ARRB1: variants seen among roughly 807,000 people sequenced by gnomAD.
ARRB1 encodes the protein arrestin beta 1.
ARRB1 carries 21 observed loss-of-function variants against 56.8 expected under a neutral mutation model. The ratio of observed to expected loss-of-function variants is 0.37; its 90% confidence interval spans 0.26 to 0.53. ARRB1 has a LOEUF of 0.53. ARRB1 is among the 20% of genes least tolerant of loss of function. The probability of loss-of-function intolerance (pLI) is 0.88; values close to 1 mark genes in which losing one functional copy is unlikely to be tolerated. For synonymous variants in ARRB1, 210 were observed against 218.6 expected (o/e 0.96, Z 0.35); for missense variants, 424 against 553.7 (o/e 0.77, Z 2.35).
chr11:75,303,054 T>A (rs1946942956), intron 1 of ARRB1, among the ~76,000 whole-genome samples: 1 of 151,820 alleles, frequency 6.6e-6, no homozygotes, highest in Non-Finnish European at 1.5e-5. Context: ...CAGGCTGGAG[T>A]GGAGTGGCAT....
intron 1 of ARRB1, among the ~76,000 whole-genome samples, chr11:75,297,305 C>T (rs1381062893): frequency 9.3e-5 from 14 of 150,866 alleles, no homozygotes; most frequent in Admixed American, 9.2e-4. Context: ...AGAAGACTCA[C>T]ACTTCCCATT....
At chr11:75,325,885 C>T (rs528853493) in intron 1 of ARRB1, among the ~76,000 whole-genome samples, 228 of 152,282 alleles carry the variant, frequency 1.5e-3, no homozygotes, top group Admixed American at 3.6e-3. Context: ...TGGTCTGACC[C>T]TGCCAGTGCT....
chr11:75,327,431 T>C (rs1345641612), intron 1 of ARRB1, among the ~76,000 whole-genome samples: 2 of 151,874 alleles, frequency 1.3e-5, no homozygotes, highest in African/African-American at 4.8e-5. Context: ...CCTTCCAAAG[T>C]GCTGGGATTA....
intron 1 of ARRB1, among the ~76,000 whole-genome samples, chr11:75,333,275 G>A (rs1234640724): frequency 6.6e-6 from 1 of 152,226 alleles, no homozygotes; most frequent in Non-Finnish European, 1.5e-5. Flanking sequence ...AGCTCTGCAG[G>A]GCAGAAACCA....
intron 1 of ARRB1, chr11:75,311,929 C>G: frequency 1.3e-6 from 1 of 791,218 alleles, no homozygotes; most frequent in Non-Finnish European, 1.8e-6. Context: ...AAGGGGCTGG[C>G]TGAGAGGGGA....
intron 1 of ARRB1, among the ~76,000 whole-genome samples, chr11:75,325,265 C>G (rs1031838805): frequency 9.9e-5 from 15 of 152,158 alleles, no homozygotes; most frequent in African/African-American, 3.6e-4. Flanking sequence ...CCGACCCTCA[C>G]CCCAGCCCCT....
chr11:75,320,928 G>A (rs553263157), intron 1 of ARRB1, among the ~76,000 whole-genome samples: 1 of 152,208 alleles, frequency 6.6e-6, no homozygotes, highest in East Asian at 1.9e-4. Context: ...CTGGGATGAG[G>A]AGACAGGAGG....
intron 3 of ARRB1, among the ~76,000 whole-genome samples, 199 bp downstream of exon 3, chr11:75,287,116 C>T (rs1946498035): frequency 6.6e-6 from 1 of 152,204 alleles, no homozygotes; most frequent in South Asian, 2.1e-4. Flanking sequence ...ATTGTCACCT[C>T]AGTCCTTCCC....
chr11:75,289,983 G>T, intron 2 of ARRB1, 26 bp downstream of exon 2: 2 of 1,614,034 alleles, frequency 1.2e-6, no homozygotes, highest in Non-Finnish European at 1.7e-6. Flanking sequence ...TCAGGGAGGC[G>T]CTGGGCGCAG....
In ARRB1 at chr11:75,274,004, G is replaced by A. The variant is rs1235740879; in HGVS notation, c.914+70C>T. The A allele has an allele frequency of 3.7e-6, 6 of 1,604,380 alleles. No homozygotes were observed. In the African/African-American group the frequency reaches 5.3e-5, roughly 14 times the overall value. Reference sequence around the variant, plus strand: ...CTGAGCCTTGTCTTTGAACTGGGGGGACCAAGGAGGGTGTGGCCCCATCAG... The same window carrying A: ...CTGAGCCTTGTCTTTGAACTGGGGGAACCAAGGAGGGTGTGGCCCCATCAG... On this transcript the variant is annotated intron_variant, in intron 11 of 15. Coordinates refer to ENST00000420843, the MANE Select transcript of ARRB1 (RefSeq NM_004041.5).
At chr11:75,310,012 C>G (rs1435034792) in intron 1 of ARRB1, among the ~76,000 whole-genome samples, 3 of 152,150 alleles carry the variant, frequency 2.0e-5, no homozygotes, top group African/African-American at 7.2e-5. Context: ...AGGAACGGTG[C>G]TGGCCCTCTT....
Position 75,278,604 on chromosome 11 carries a change from C to G in ARRB1, c.618+5G>C. On this transcript the variant is annotated splice_donor_5th_base_variant and intron_variant, in intron 8 of 15. Coordinates refer to ENST00000420843, the MANE Select transcript of ARRB1 (RefSeq NM_004041.5). ...CCCACCCCCTGCCAAGTCCGAGCCT[C>G]CTACCTCCTTATCCAGAGAGGCTTC... 6.2e-7 allele frequency: 1 copy of G among 1,614,068 alleles called. No individual in the cohort carries two copies. Among genetic ancestry groups the G allele is most frequent in the Non-Finnish European group, 8.5e-7 (1 of 1,179,948 alleles).
chr11:75,270,467 A>C (rs1210423661), intron 13 of ARRB1, among the ~76,000 whole-genome samples: 2 of 152,202 alleles, frequency 1.3e-5, no homozygotes, highest in African/African-American at 4.8e-5. Flanking sequence ...GCCTCTACTA[A>C]AAATACAAAA....
At position 75,268,899 on chromosome 11, in the gene ARRB1, C is replaced by A. The variant is rs760045129; in HGVS notation, c.1083G>T (p.Pro361=). Residue 361 remains proline (P), a synonymous_variant, in exon 14 of 16, where the codon CCG becomes CCT. Coordinates refer to ENST00000420843, the MANE Select transcript of ARRB1 (RefSeq NM_004041.5). ...LMHPKPKEEP[P]HREVPENETP... is the part of the protein sequence containing the mutation. ...ACAGATTCTGCTCACCTTCCCGATGCGGGGGTTCCTCTTTGGGCTTGGGGT... is the reference window on the plus strand; with the variant it reads ...ACAGATTCTGCTCACCTTCCCGATGAGGGGGTTCCTCTTTGGGCTTGGGGT... 1 of 1,608,740 alleles carries A rather than the reference C, an allele frequency of 6.2e-7. No homozygotes were observed.
intron 1 of ARRB1, among the ~76,000 whole-genome samples, chr11:75,336,107 T>C (rs1219815562): frequency 6.6e-6 from 1 of 152,126 alleles, no homozygotes; most frequent in Non-Finnish European, 1.5e-5. Flanking sequence ...CAGTCTGGCA[T>C]GGACAGCTCA....
intron 1 of ARRB1, among the ~76,000 whole-genome samples, chr11:75,323,571 G>A (rs1375366491): frequency 6.6e-6 from 1 of 152,164 alleles, no homozygotes; most frequent in African/African-American, 2.4e-5. Context: ...AGTGAGCCCA[G>A]ATCACGCCAC....
intron 1 of ARRB1, among the ~76,000 whole-genome samples, chr11:75,293,837 G>A (rs1019261150): frequency 1.3e-5 from 2 of 152,140 alleles, no homozygotes; most frequent in African/African-American, 4.8e-5. Context: ...TGAATCTCAG[G>A]CAGTCTCACT....
chr11:75,321,227 C>T (rs1009240451), intron 1 of ARRB1, among the ~76,000 whole-genome samples: 2 of 151,816 alleles, frequency 1.3e-5, no homozygotes, highest in Non-Finnish European at 2.9e-5. Flanking sequence ...AAGAAAATCC[C>T]ACCCCACGTG....
intron 3 of ARRB1, among the ~76,000 whole-genome samples, chr11:75,286,614 C>T (rs183252977): frequency 4.5e-4 from 69 of 152,148 alleles, no homozygotes; most frequent in Non-Finnish European, 8.7e-4. Flanking sequence ...CTCTGGGCAT[C>T]GAATGAGTAG....
Sources: allele counts gnomAD v4.1 joint callset (sites outside exome capture counted in the v4.1 genomes callset), GRCh38; gene constraint gnomAD v4.1.1; transcripts MANE v1.5; gene names NCBI Gene and HGNC (gene_info 2026-07-23, HGNC 2026-07-21).